Variants in PPFIA2 observed in about 807,000 individuals in gnomAD.
The protein encoded by PPFIA2 is PPFI scaffold protein A2, also known as liprin-alpha-2.
A neutral mutation model predicts 175.5 loss-of-function variants in PPFIA2; 46 were observed. The observed-to-expected ratio is 0.26, with a 90% CI of 0.21 to 0.34. The LOEUF is 0.34. Among genes scored for constraint, PPFIA2 ranks in the 10% least tolerant of loss-of-function variants. The pLI, the probability that PPFIA2 is intolerant of heterozygous loss-of-function variation, is 1.00. For synonymous variants in PPFIA2, 568 were observed against 511.4 expected, an observed-to-expected ratio of 1.11 and a Z score of -1.49; for missense variants, 1,179 against 1,506.1, an observed-to-expected ratio of 0.78 and a Z score of 3.60.
chr12:81,483,383 ATAAAG>A (rs2058465159), intron 4 of PPFIA2, among the ~76,000 whole-genome samples: 3 of 152,298 alleles, frequency 2.0e-5, no homozygotes, highest in Admixed American at 2.0e-4. Context: ...ATATGAAGAA[ATAAAG>A]TATTTATAAG....
intron 3 of PPFIA2, among the ~76,000 whole-genome samples, chr12:81,691,363 A>G (rs1427367749): frequency 6.6e-6 from 1 of 152,120 alleles, no homozygotes; most frequent in African/African-American, 2.4e-5. Flanking sequence ...TATATTCTGT[A>G]ATGTTTCAAT....
chr12:81,718,868 T>A (rs1322287156), intron 3 of PPFIA2, among the ~76,000 whole-genome samples: 4 of 151,578 alleles, frequency 2.6e-5, no homozygotes, highest in Non-Finnish European at 4.4e-5. Context: ...TGGCATTTAT[T>A]CTAGCTGTAA....
At chr12:81,525,397 G>A (rs1262804608) in intron 4 of PPFIA2, among the ~76,000 whole-genome samples, 3 of 152,146 alleles carry the variant, frequency 2.0e-5, no homozygotes, top group Non-Finnish European at 2.9e-5. Flanking sequence ...GACTAAACCA[G>A]GTAAAAGCTC....
chr12:81,543,062 T>C (rs1567256023), intron 4 of PPFIA2, among the ~76,000 whole-genome samples: 1 of 152,188 alleles, frequency 6.6e-6, no homozygotes, highest in African/African-American at 2.4e-5. Context: ...TGTCTGCAGT[T>C]GCCTTGAATG....
intron 29 of PPFIA2, among the ~76,000 whole-genome samples, chr12:81,267,650 T>C (rs953764536): frequency 7.2e-5 from 11 of 152,044 alleles, no homozygotes; most frequent in Admixed American, 6.6e-4. Flanking sequence ...TGTCAGGGAT[T>C]TCATTTAGTG....
intron 8 of PPFIA2, among the ~76,000 whole-genome samples, chr12:81,398,982 C>G (rs2041667016): frequency 6.6e-6 from 1 of 151,934 alleles, no homozygotes; most frequent in South Asian, 2.1e-4. Context: ...ATCAAACACC[C>G]ACTAAATTTC....
At chr12:81,715,560 A>G (rs2078499953) in intron 3 of PPFIA2, among the ~76,000 whole-genome samples, 1 of 151,710 alleles carries the variant, frequency 6.6e-6, no homozygotes, top group South Asian at 2.1e-4. Flanking sequence ...TTCCCCCAGT[A>G]AGATTAAGGT....
At chr12:81,552,360 T>C (rs1359315846) in intron 4 of PPFIA2, among the ~76,000 whole-genome samples, 1 of 149,892 alleles carries the variant, frequency 6.7e-6, no homozygotes, top group African/African-American at 2.4e-5. Flanking sequence ...CTGTGTAATA[T>C]ACACATTTTT....
chr12:81,573,557 T>A (rs1406985520), intron 4 of PPFIA2, among the ~76,000 whole-genome samples: 1 of 151,886 alleles, frequency 6.6e-6, no homozygotes, highest in Non-Finnish European at 1.5e-5. Context: ...CAGTCTCTAT[T>A]TCTAGGTTAT....
At chr12:81,712,212 C>T (rs948806047) in intron 3 of PPFIA2, among the ~76,000 whole-genome samples, 3 of 151,216 alleles carry the variant, frequency 2.0e-5, no homozygotes, top group African/African-American at 4.8e-5. Flanking sequence ...TTGAGTTTCA[C>T]ATAACATTGG....
rs1050373778 is a variant in PPFIA2, at chr12:81,714,567, C to T, written c.250-37723G>A. Among the ~76,000 whole-genome samples, 4 of 150,550 alleles carry T rather than the reference C, an allele frequency of 2.7e-5. No individual in the cohort carries two copies. In the Admixed American group the frequency reaches 2.7e-4, roughly 10 times the overall value. On this transcript the variant is annotated intron_variant, in intron 3 of 32. Transcript: ENST00000549396. ...CGTTGTGAATTATATTGAATGCCCT[C>T]GAATAGATAAGCACACCCTCAGAGT...
At chr12:81,301,450 C>A (rs892358385) in intron 22 of PPFIA2, among the ~76,000 whole-genome samples, 6 of 152,050 alleles carry the variant, frequency 3.9e-5, no homozygotes, top group Non-Finnish European at 5.9e-5. Context: ...ATGAGTTGTA[C>A]AAAAGCTATT....
chr12:81,266,798 T>C (rs967622289), intron 30 of PPFIA2, among the ~76,000 whole-genome samples, 154 bp downstream of exon 30: 5 of 152,208 alleles, frequency 3.3e-5, no homozygotes, highest in Non-Finnish European at 5.9e-5. Context: ...AGTAATAAGA[T>C]TGAATATTTA....
intron 17 of PPFIA2, among the ~76,000 whole-genome samples, chr12:81,350,890 G>A (rs970425592): frequency 2.6e-5 from 4 of 152,052 alleles, no homozygotes; most frequent in Admixed American, 2.6e-4. Flanking sequence ...GATTTAGCTA[G>A]ACCCAGAAAG....
chr12:81,688,121 C>T (rs1257944191), intron 3 of PPFIA2, among the ~76,000 whole-genome samples: 1 of 151,786 alleles, frequency 6.6e-6, no homozygotes, highest in Admixed American at 6.6e-5. Context: ...CATTTTTCAC[C>T]AGTCATATTA....
At chr12:81,368,159 G>C in intron 13 of PPFIA2, 1 of 1,287,918 alleles carries the variant, frequency 7.8e-7, no homozygotes, top group Non-Finnish European at 1.0e-6. Context: ...TGGTCTGGTA[G>C]CTGCCAACTA....
chr12:81,470,324 G>A (rs144420613), intron 4 of PPFIA2, among the ~76,000 whole-genome samples: 35 of 152,262 alleles, frequency 2.3e-4, no homozygotes, highest in South Asian at 2.1e-4. Context: ...AAAGCACATG[G>A]AAAGCTGTTC....
chr12:81,411,626 A>C (rs2043989210), intron 7 of PPFIA2, among the ~76,000 whole-genome samples: 1 of 152,044 alleles, frequency 6.6e-6, no homozygotes, highest in Non-Finnish European at 1.5e-5. Flanking sequence ...GTCTTGCAAC[A>C]GACTCTCTTC....
intron 3 of PPFIA2, among the ~76,000 whole-genome samples, chr12:81,684,260 A>T (rs1016913956): frequency 2.6e-5 from 4 of 152,112 alleles, no homozygotes; most frequent in African/African-American, 4.8e-5. Flanking sequence ...GACTATACAG[A>T]AGAACATTTA....
Sources: gnomAD v4.1 joint callset for allele counts (sites outside exome capture counted in the v4.1 genomes callset) on GRCh38, gnomAD v4.1.1 for gene constraint, MANE v1.5 for transcripts, NCBI Gene and HGNC (gene_info 2026-07-23, HGNC 2026-07-21) for gene names.